Variants in CACNA1B observed in about 807,000 individuals in gnomAD.
CACNA1B encodes calcium voltage-gated channel subunit alpha1 B, also known as voltage-dependent N-type calcium channel subunit alpha-1B.
In CACNA1B, 70 loss-of-function variants were observed where a neutral mutation model predicts 247.2. The observed-to-expected ratio is 0.28, with a 90% CI of 0.23 to 0.35. The LOEUF is 0.35. CACNA1B is among the 10% of genes least tolerant of loss of function. The pLI, the probability that CACNA1B is intolerant of heterozygous loss-of-function variation, is 1.00. For synonymous variants in CACNA1B, 1,231 were observed against 1,294.4 expected, an observed-to-expected ratio of 0.95 and a Z score of 1.05; for missense variants, 2,367 against 3,197.4, an observed-to-expected ratio of 0.74 and a Z score of 6.26.
chr9:137,939,198 C>T (rs1266813258), intron 6 of CACNA1B, among the ~76,000 whole-genome samples: 1 of 152,182 alleles, frequency 6.6e-6, no homozygotes, highest in African/African-American at 2.4e-5. Flanking sequence ...TGAATGTAAA[C>T]TATACCCTGG....
intron 36 of CACNA1B, among the ~76,000 whole-genome samples, chr9:138,092,466 G>A (rs950897479): frequency 4.3e-4 from 66 of 152,280 alleles, no homozygotes; most frequent in African/African-American, 1.5e-3. Flanking sequence ...GCAGGCAGTC[G>A]GACCTTATAG....
intron 21 of CACNA1B, 129 bp downstream of exon 21, chr9:138,044,029 C>G (rs1959165366): frequency 7.9e-7 from 1 of 1,272,844 alleles, no homozygotes; most frequent in Non-Finnish European, 1.1e-6. Flanking sequence ...AATCCCATGG[C>G]AGACCCCAGA....
At position 138,010,090 on chromosome 9, in the gene CACNA1B, A is replaced by C; in HGVS notation, c.2160+13A>C. 1 of 1,609,120 alleles carries C rather than the reference A, an allele frequency of 6.2e-7. No homozygotes were observed. The highest frequency in any genetic ancestry group is 8.5e-7 in the Non-Finnish European group (1 of 1,175,484). On this transcript the variant is annotated intron_variant, in intron 17 of 46. Coordinates refer to ENST00000371372, the MANE Select transcript of CACNA1B (RefSeq NM_000718.4). The surrounding 1 kb of genome is among the most constrained non-coding windows in gnomAD (Gnocchi z 5.3). ...AGAGCTGACCAAGGTAGGTGGCGAC[A>C]GGGAGGGACCGGTGTCAGCCCATGT...
chr9:137,903,846 G>A (rs7865218), intron 3 of CACNA1B, among the ~76,000 whole-genome samples: 19,717 of 152,002 alleles, frequency 0.13, 3,482 homozygotes, highest in African/African-American at 0.4. Flanking sequence ...GCGGCATTTC[G>A]ATTGAGGCAT....
Position 138,115,656 on chromosome 9 carries a change from C to T in CACNA1B, c.5754C>T (p.Thr1918=), listed in dbSNP as rs1339459340. 1 of 1,613,556 alleles carries T rather than the reference C, an allele frequency of 6.2e-7. No homozygotes were observed. Among genetic ancestry groups the T allele is most frequent in the Non-Finnish European group, 8.5e-7 (1 of 1,179,682 alleles). Residue 1918 remains threonine, a synonymous_variant, in exon 42 of 47, where the codon ACC becomes ACT. Coordinates refer to ENST00000371372, the MANE Select transcript of CACNA1B (RefSeq NM_000718.4). ...ARVFLRQKSS[T]SLSNGGAIQN... ...TTTTCCTTCGACAGAAGAGTTCCACCTCCCTCAGCAATGGCGGGGCCATGT... is the reference window on the plus strand; with the variant it reads ...TTTTCCTTCGACAGAAGAGTTCCACTTCCCTCAGCAATGGCGGGGCCATGT...
In CACNA1B at chr9:137,990,470, G is replaced by A. The variant is rs1217270163; in HGVS notation, c.1974+3616G>A. ...ACTTAATTAGGCTACCTTAGGGCAA[G>A]TTTGCATCCTCTCTACAGGACCTCA... On this transcript the variant is annotated intron_variant, in intron 15 of 46. Coordinates refer to ENST00000371372, the MANE Select transcript of CACNA1B (RefSeq NM_000718.4). The surrounding 1 kb of genome is among the most constrained non-coding windows in gnomAD (Gnocchi z 4.5). Among the ~76,000 whole-genome samples the A allele has an allele frequency of 6.6e-6, 1 of 152,142 alleles. No individual in the cohort carries two copies. The highest frequency in any genetic ancestry group is 1.5e-5 in the Non-Finnish European group (1 of 68,032).
rs1250176114 is a variant in CACNA1B, at chr9:137,954,308, G to C, written c.1071-1390G>C. Among the ~76,000 whole-genome samples the C allele has an allele frequency of 1.3e-5, 2 of 152,216 alleles. No individual in the cohort carries two copies. The highest frequency in any genetic ancestry group is 4.8e-5 in the African/African-American group (2 of 41,460). On this transcript the variant is annotated intron_variant, in intron 7 of 46. Coordinates refer to ENST00000371372, the MANE Select transcript of CACNA1B (RefSeq NM_000718.4). This position sits in a 1 kb window ranked among gnomAD's most constrained non-coding sequence, Gnocchi z 4.1. ...CCATGTCTGGGCGAGAGCTGCAGGA[G>C]GGGCCAGCTTGGGGCCAATTCGGCA...
At chr9:138,079,387 G>A (rs908845300) in intron 36 of CACNA1B, among the ~76,000 whole-genome samples, 1 of 152,120 alleles carries the variant, frequency 6.6e-6, no homozygotes, top group Non-Finnish European at 1.5e-5. Context: ...GGAGTGGGCG[G>A]AGAGAGGAAG....
intron 3 of CACNA1B, among the ~76,000 whole-genome samples, chr9:137,905,472 TAA>T (rs1957288421): frequency 6.6e-6 from 1 of 152,220 alleles, no homozygotes; most frequent in Admixed American, 6.5e-5. Flanking sequence ...TTTATAAACT[TAA>T]GTTAGACATT....
rs200517548 is a variant in CACNA1B, at chr9:138,120,403, G to A, written c.6238+31G>A. ...TGCGGAGGGGCCCGGGGAGTCCTTC[G>A]GGGAGCTATGGCCCGAGTCAGGGGG... On this transcript the variant is annotated intron_variant, in intron 45 of 46. Transcript: ENST00000371372. 6.2e-5 allele frequency: 94 copies of A among 1,521,598 alleles called. No individual in the cohort carries two copies. The Middle Eastern group carries it at 1.4e-3, about 22-fold the overall frequency. 94.3% of individuals were successfully genotyped at this position (1,521,598 alleles called of 1,614,324 possible).
intron 20 of CACNA1B, among the ~76,000 whole-genome samples, chr9:138,029,029 C>T (rs1958955791): frequency 6.6e-6 from 1 of 152,182 alleles, no homozygotes; most frequent in Admixed American, 6.5e-5. Flanking sequence ...TGGAATCCTG[C>T]CTGAGAGTTG....
chr9:137,983,748 G>T (rs1174582479), intron 12 of CACNA1B, among the ~76,000 whole-genome samples: 1 of 152,102 alleles, frequency 6.6e-6, no homozygotes, highest in Non-Finnish European at 1.5e-5. Context: ...CTGAAAGTTT[G>T]CCCAGCTCCA....
At chr9:137,963,111 A>G (rs1321143103) in intron 10 of CACNA1B, among the ~76,000 whole-genome samples, 1 of 152,216 alleles carries the variant, frequency 6.6e-6, no homozygotes, top group Non-Finnish European at 1.5e-5. Flanking sequence ...TTCTTGTTGA[A>G]TTGAACCCTT....
intron 37 of CACNA1B, among the ~76,000 whole-genome samples, chr9:138,097,984 A>T (rs1399080749): frequency 6.6e-6 from 1 of 152,150 alleles, no homozygotes; most frequent in Non-Finnish European, 1.5e-5. Flanking sequence ...CAGTCTGGAC[A>T]AGGTCCAGAG....
intron 20 of CACNA1B, among the ~76,000 whole-genome samples, chr9:138,041,324 G>A (rs956059508): frequency 7.2e-5 from 11 of 152,128 alleles, no homozygotes; most frequent in African/African-American, 1.9e-4. Flanking sequence ...CTGTGCCATC[G>A]CATGCTGTTA....
At chr9:137,980,091 CT>C (rs769453106) in intron 12 of CACNA1B, among the ~76,000 whole-genome samples, 3 of 152,200 alleles carry the variant, frequency 2.0e-5, no homozygotes, top group Admixed American at 1.3e-4. Context: ...TTTTCTCAGC[CT>C]ACTTCCCACT....
intron 40 of CACNA1B, among the ~76,000 whole-genome samples, chr9:138,113,145 A>C (rs1477724438): frequency 7.1e-6 from 1 of 141,072 alleles, no homozygotes; most frequent in Non-Finnish European, 1.5e-5. Flanking sequence ...GAGCACGGGG[A>C]GGTGCCCAAC....
At chr9:137,995,259 C>T (rs1958484145) in intron 15 of CACNA1B, among the ~76,000 whole-genome samples, 1 of 151,002 alleles carries the variant, frequency 6.6e-6, no homozygotes, top group Non-Finnish European at 1.5e-5. Context: ...AAGCTGGAGG[C>T]ATCACATTAC....
chr9:137,910,394 C>T (rs548149314), intron 3 of CACNA1B, among the ~76,000 whole-genome samples: 1 of 152,276 alleles, frequency 6.6e-6, no homozygotes, highest in African/African-American at 2.4e-5. Context: ...CTTTATGACA[C>T]CAGGCACTGG....
Sources: gnomAD v4.1 joint callset for allele counts (sites outside exome capture counted in the v4.1 genomes callset) on GRCh38, gnomAD v4.1.1 for gene constraint, Gnocchi (gnomAD v3.1) non-coding constraint, MANE v1.5 for transcripts, NCBI Gene and HGNC (gene_info 2026-07-23, HGNC 2026-07-21) for gene names.